RNLS: variants seen among roughly 807,000 people sequenced by gnomAD.
RNLS encodes renalase.
A neutral mutation model predicts 39.8 loss-of-function variants in RNLS; 39 were observed. That is an observed-to-expected ratio of 0.98 (90% CI 0.76 to 1.28). The LOEUF is 1.28. Among genes scored for constraint, RNLS ranks in the 50% most tolerant of loss-of-function variants. RNLS has a pLI of 0.00. For missense variants in RNLS, 410 were observed against 413.3 expected, an observed-to-expected ratio of 0.99 and a Z score of 0.07; for synonymous variants, 147 against 150.7, an observed-to-expected ratio of 0.98 and a Z score of 0.18.
At chr10:88,539,881 T>A (rs1847954374) in intron 4 of RNLS, among the ~76,000 whole-genome samples, 1 of 152,076 alleles carries the variant, frequency 6.6e-6, no homozygotes, top group Admixed American at 6.6e-5. Flanking sequence ...TCACCTTTAT[T>A]TGTTCCATCA....
At chr10:88,479,040 T>C (rs1441677280) in intron 4 of RNLS, among the ~76,000 whole-genome samples, 1 of 152,144 alleles carries the variant, frequency 6.6e-6, no homozygotes, top group East Asian at 1.9e-4. Flanking sequence ...AGCTACTTCA[T>C]AGGGTTGTTG....
the RNLS span, among the ~76,000 whole-genome samples, chr10:88,182,072 T>C: frequency 6.6e-6 from 1 of 152,124 alleles, no homozygotes; most frequent in Admixed American, 6.6e-5. Context: ...CAAATATCCA[T>C]TACTGGGCAA....
the RNLS span, among the ~76,000 whole-genome samples, chr10:88,201,716 A>C: frequency 6.6e-6 from 1 of 152,062 alleles, no homozygotes; most frequent in Middle Eastern, 3.2e-3. Flanking sequence ...AGGTTGCTCT[A>C]AGTTTTGGGG....
At chr10:88,387,680 C>G (rs867715356) in intron 4 of RNLS, among the ~76,000 whole-genome samples, 3 of 152,270 alleles carry the variant, frequency 2.0e-5, no homozygotes, top group Middle Eastern at 3.4e-3. Flanking sequence ...AAATGGCATG[C>G]CCCAGGTCAC....
At chr10:88,380,850 C>G (rs1415991839) in intron 4 of RNLS, among the ~76,000 whole-genome samples, 4 of 152,040 alleles carry the variant, frequency 2.6e-5, no homozygotes, top group African/African-American at 9.7e-5. Flanking sequence ...AAATCTAACT[C>G]TTTTTAGATG....
At chr10:88,293,523 T>G (rs1843837154) in intron 6 of RNLS, among the ~76,000 whole-genome samples, 2 of 152,214 alleles carry the variant, frequency 1.3e-5, no homozygotes, top group African/African-American at 4.8e-5. Flanking sequence ...GCATTTTATA[T>G]ATATAATATG....
the RNLS span, among the ~76,000 whole-genome samples, chr10:88,266,722 CA>C: frequency 6.0e-5 from 9 of 151,222 alleles, no homozygotes; most frequent in Non-Finnish European, 1.0e-4. Flanking sequence ...CACACACACA[CA>C]CACACACACA....
chr10:88,276,467 C>T lies in RNLS; in HGVS notation c.877-1435G>A, dbSNP rs193272690. On this transcript the variant is annotated intron_variant, in intron 6 of 6. Transcript: ENST00000371947. ...TCCATCTGGAAATTATAGTAATATA[C>T]GGTAGAATCACATTTGATTTTTTTC... is the stretch of plus-strand genomic sequence containing the variant. Among the ~76,000 whole-genome samples the T allele has an allele frequency of 2.4e-4, 37 of 152,136 alleles. No individual in the cohort carries two copies. In the East Asian group the frequency reaches 6.0e-3, roughly 25 times the overall value.
At chr10:88,364,515 G>A (rs917207327) in intron 4 of RNLS, among the ~76,000 whole-genome samples, 2 of 152,080 alleles carry the variant, frequency 1.3e-5, no homozygotes, top group African/African-American at 4.8e-5. Context: ...TCCAGATTGC[G>A]TGGTCAGGAT....
At chr10:88,259,376 G>T in the RNLS span, 2 of 152,174 alleles carry the variant, frequency 1.3e-5, no homozygotes, top group Non-Finnish European at 2.9e-5. Flanking sequence ...AAAGAAATGG[G>T]TTATCATCAC....
At chr10:88,440,831 A>G (rs777798789) in intron 4 of RNLS, among the ~76,000 whole-genome samples, 1 of 152,206 alleles carries the variant, frequency 6.6e-6, no homozygotes, top group South Asian at 2.1e-4. Flanking sequence ...AGAAATTCAG[A>G]ACTGTCCCTG....
At chr10:88,173,129 A>G in the RNLS span, among the ~76,000 whole-genome samples, 1 of 151,956 alleles carries the variant, frequency 6.6e-6, no homozygotes, top group Non-Finnish European at 1.5e-5. Flanking sequence ...AAGTGCTGGG[A>G]TTACAGGCAT....
chr10:88,564,759 A>C (rs1205409737), intron 4 of RNLS, among the ~76,000 whole-genome samples: 1 of 152,190 alleles, frequency 6.6e-6, no homozygotes, highest in African/African-American at 2.4e-5. Flanking sequence ...GTAAATCATA[A>C]GAGGGTCACA....
At chr10:88,186,430 TC>T in the RNLS span, among the ~76,000 whole-genome samples, 1 of 152,132 alleles carries the variant, frequency 6.6e-6, no homozygotes, top group African/African-American at 2.4e-5. Flanking sequence ...TTCCCTCTCC[TC>T]AAAGAATGTG....
In RNLS at chr10:88,372,223, T is replaced by C. The variant is rs73343626; in HGVS notation, c.527-9498A>G. ...ACTGTTAGTGTGTTACCAGTATTTG[T>C]GATTAATCAGGTCCCCTCCCCTCTC... is the stretch of plus-strand genomic sequence containing the variant. On this transcript the variant is annotated intron_variant, in intron 4 of 6. Transcript: ENST00000331772. Among the ~76,000 whole-genome samples, 1,126 of 152,250 alleles carry C rather than the reference T, an allele frequency of 7.4e-3. 12 individuals are homozygous for C. Among genetic ancestry groups the C allele is most frequent in the African/African-American group, 0.025 (1,059 of 41,544 alleles).
chr10:88,433,177 G>A (rs966962588), intron 4 of RNLS, among the ~76,000 whole-genome samples: 3 of 152,046 alleles, frequency 2.0e-5, no homozygotes, highest in Admixed American at 1.3e-4. Context: ...ATGACTTGAG[G>A]TAGAAGGACA....
Position 88,551,393 on chromosome 10 carries a change from C to T in RNLS, c.526+21510G>A, listed in dbSNP as rs557700515. Among the ~76,000 whole-genome samples, 26 of 152,262 alleles carry T rather than the reference C, an allele frequency of 1.7e-4. No individual in the cohort carries two copies. In the East Asian group the frequency reaches 3.7e-3, roughly 21 times the overall value. On this transcript the variant is annotated intron_variant, in intron 4 of 6. Coordinates refer to ENST00000331772, the MANE Select transcript of RNLS (RefSeq NM_001031709.3). Reference sequence around the variant, plus strand: ...CTTTCAGCTGATACAGAAAAATCAACTAATGTGGATGGCAAGATCTGAGAA... The same window carrying T: ...CTTTCAGCTGATACAGAAAAATCAATTAATGTGGATGGCAAGATCTGAGAA...
At chr10:88,582,940 G>T (rs112535033) in intron 1 of RNLS, 133 bp downstream of exon 1, 12,417 of 1,057,094 alleles carry the variant, frequency 0.012, 357 homozygotes, top group South Asian at 0.084. Context: ...CGCATGGGCC[G>T]CGCTACACGG....
intron 4 of RNLS, among the ~76,000 whole-genome samples, chr10:88,522,914 G>A (rs547490656): frequency 6.4e-4 from 98 of 152,240 alleles, no homozygotes; most frequent in African/African-American, 2.2e-3. Context: ...AAGTGCAAAT[G>A]CACCACTGGT....
Sources: allele counts gnomAD v4.1 joint callset (sites outside exome capture counted in the v4.1 genomes callset), GRCh38; gene constraint gnomAD v4.1.1; transcripts MANE v1.5; gene names NCBI Gene and HGNC (gene_info 2026-07-23, HGNC 2026-07-21).